The following CDKAL1 variants were observed in gnomAD, a reference collection of about 807,000 sequenced individuals.
The protein encoded by CDKAL1 is threonylcarbamoyladenosine tRNA methylthiotransferase.
CDKAL1 carries 32 observed loss-of-function variants against 68.2 expected under a neutral mutation model. The observed-to-expected ratio is 0.47, with a 90% confidence interval of 0.35 to 0.63. The LOEUF is 0.63. Among genes scored for constraint, CDKAL1 ranks in the 30% least tolerant of loss-of-function variants. CDKAL1 has a pLI of 0.00. For synonymous variants in CDKAL1, 234 were observed against 244.3 expected (o/e 0.96, Z 0.39); for missense variants, 606 against 696.7 (o/e 0.87, Z 1.47).
At chr6:20,908,580 G>T (rs1170226308) in intron 9 of CDKAL1, among the ~76,000 whole-genome samples, 1 of 151,896 alleles carries the variant, frequency 6.6e-6, no homozygotes, top group Non-Finnish European at 1.5e-5. Context: ...TTTATCTTTA[G>T]ATTATTTATA....
chr6:20,549,115 A>ATTAGTTTCATGTCCCC (rs1406663115), intron 4 of CDKAL1, among the ~76,000 whole-genome samples: 1 of 152,104 alleles, frequency 6.6e-6, no homozygotes, highest in African/African-American at 2.4e-5. Context: ...CCCACCTTAC[A>ATTAGTTTCATGTCCCC]TTTAGTTTCA....
intron 13 of CDKAL1, among the ~76,000 whole-genome samples, chr6:21,164,044 C>T (rs1277142767): frequency 1.3e-5 from 2 of 151,944 alleles, no homozygotes; most frequent in African/African-American, 4.8e-5. Context: ...TACCTAGCTC[C>T]AGAATGACCT....
chr6:20,775,723 A>T (rs187679654), intron 7 of CDKAL1, among the ~76,000 whole-genome samples: 41 of 152,346 alleles, frequency 2.7e-4, no homozygotes, highest in Admixed American at 1.2e-3. Context: ...AGATGGCAGC[A>T]GTATTGATAA....
At chr6:20,605,529 G>T (rs569073290) in intron 4 of CDKAL1, among the ~76,000 whole-genome samples, 1 of 151,970 alleles carries the variant, frequency 6.6e-6, no homozygotes, top group South Asian at 2.1e-4. Context: ...GGTACTTTTT[G>T]ATAAGATGCT....
chr6:20,874,619 A>T lies in CDKAL1; in HGVS notation c.742+28441A>T, dbSNP rs1760403808. ...CAACCTCCGCCTCCAGGTTCAAGCG[A>T]TTCTCTTGCGGAGCTGGGATTACAG... On this transcript the variant is annotated intron_variant, in intron 9 of 15. Transcript: ENST00000274695. 2.0e-5 allele frequency among the ~76,000 whole-genome samples: 3 copies of T among 151,946 alleles called. No homozygotes were observed. The South Asian group carries it at 6.2e-4, about 32-fold the overall frequency.
intron 9 of CDKAL1, among the ~76,000 whole-genome samples, chr6:20,926,677 G>A (rs770449593): frequency 9.2e-5 from 14 of 151,960 alleles, no homozygotes; most frequent in Non-Finnish European, 1.8e-4. Flanking sequence ...CATTCGATAC[G>A]TATGCATTGA....
chr6:20,613,249 CTTTT>C (rs71559677), intron 4 of CDKAL1, among the ~76,000 whole-genome samples: 5 of 77,856 alleles, frequency 6.4e-5, no homozygotes, highest in African/African-American at 2.1e-4. Context: ...AAATTTCTTT[CTTTT>C]TTTTTTTTTT....
intron 8 of CDKAL1, among the ~76,000 whole-genome samples, chr6:20,805,620 A>G (rs1776541551): frequency 6.6e-6 from 1 of 152,262 alleles, no homozygotes; most frequent in Non-Finnish European, 1.5e-5. Context: ...ACATTAGCAG[A>G]CTAAGCATTC....
At chr6:21,069,770 C>CTTTTTTTTTTTTTTTTTTT (rs1771654458) in intron 12 of CDKAL1, among the ~76,000 whole-genome samples, 1 of 42,254 alleles carries the variant, frequency 2.4e-5, no homozygotes, top group African/African-American at 5.7e-5. Context: ...CCCAGATTTT[C>CTTTTTTTTTTTTTTTTTTT]TTTCTTTTTT....
chr6:21,129,226 C>A (rs9295493), intron 13 of CDKAL1, among the ~76,000 whole-genome samples: 73,312 of 151,734 alleles, frequency 0.48, 18,254 homozygotes, highest in African/African-American at 0.61. Flanking sequence ...TGGAAAAAAA[C>A]ATATTAGCAG....
chr6:20,582,058 T>C (rs1765162816), intron 4 of CDKAL1, among the ~76,000 whole-genome samples: 1 of 152,214 alleles, frequency 6.6e-6, no homozygotes. Context: ...TCAAATATTT[T>C]CCTCATTTAT....
chr6:21,062,333 A>G (rs1166584429), intron 11 of CDKAL1, among the ~76,000 whole-genome samples: 2 of 152,170 alleles, frequency 1.3e-5, no homozygotes, highest in African/African-American at 4.8e-5. Flanking sequence ...TTAGCTGTAG[A>G]CCTTTTGATA....
At chr6:21,134,062 G>C (rs773068228) in intron 13 of CDKAL1, among the ~76,000 whole-genome samples, 6 of 152,090 alleles carry the variant, frequency 3.9e-5, no homozygotes, top group African/African-American at 1.2e-4. Context: ...TGCCGGGGTC[G>C]TGGGGGCGTA....
At chr6:20,907,817 A>G (rs1456444096) in intron 9 of CDKAL1, among the ~76,000 whole-genome samples, 2 of 152,174 alleles carry the variant, frequency 1.3e-5, no homozygotes, top group Non-Finnish European at 2.9e-5. Flanking sequence ...CTTGGGGAGC[A>G]TGCCTCTGTG....
chr6:21,166,947 G>T (rs1256393274), intron 13 of CDKAL1, among the ~76,000 whole-genome samples: 1 of 152,154 alleles, frequency 6.6e-6, no homozygotes. Flanking sequence ...CTGACATCTG[G>T]TTCCACCATA....
chr6:20,891,330 G>A (rs904042393), intron 9 of CDKAL1, among the ~76,000 whole-genome samples: 2 of 152,132 alleles, frequency 1.3e-5, no homozygotes, highest in Non-Finnish European at 2.9e-5. Flanking sequence ...TCTGGCTTGA[G>A]CTCTGACGTG....
At chr6:21,065,267 T>A in intron 12 of CDKAL1, 39 bp downstream of exon 12, 1 of 1,510,642 alleles carries the variant, frequency 6.6e-7, no homozygotes, top group Non-Finnish European at 9.1e-7. Flanking sequence ...TTTTTGCCAG[T>A]AGCTATAGAA....
At chr6:21,007,896 C>G (rs1767817267) in intron 11 of CDKAL1, among the ~76,000 whole-genome samples, 1 of 152,146 alleles carries the variant, frequency 6.6e-6, no homozygotes, top group African/African-American at 2.4e-5. Context: ...TACTGCTGGT[C>G]TAATCTAAGG....
intron 15 of CDKAL1, among the ~76,000 whole-genome samples, chr6:21,203,149 A>G (rs528458164): frequency 6.6e-6 from 1 of 150,578 alleles, no homozygotes; most frequent in East Asian, 2.0e-4. Context: ...TCCTGGGCGC[A>G]AGCAATCGTC....
Sources: allele counts gnomAD v4.1 joint callset (sites outside exome capture counted in the v4.1 genomes callset), GRCh38; gene constraint gnomAD v4.1.1; transcripts MANE v1.5; gene names NCBI Gene and HGNC (gene_info 2026-07-23, HGNC 2026-07-21).